Variants in ELF2 observed in about 807,000 individuals in gnomAD.
ELF2 encodes the protein E74 like ETS transcription factor 2, also known as ETS-related transcription factor Elf-2.
ELF2 carries 11 observed loss-of-function variants against 54.8 expected under a neutral mutation model. The ratio of observed to expected loss-of-function variants is 0.20; its 90% CI spans 0.13 to 0.33. The LOEUF is 0.33. ELF2 is among the 10% of genes least tolerant of loss of function. The pLI, the probability that ELF2 is intolerant of heterozygous loss-of-function variation, is 1.00. For missense variants in ELF2, 513 were observed against 703.0 expected, an observed-to-expected ratio of 0.73 and a Z score of 3.06; for synonymous variants, 203 against 245.1, an observed-to-expected ratio of 0.83 and a Z score of 1.61.
At position 139,060,445 on chromosome 4, in the gene ELF2, T is replaced by G; in HGVS notation, c.1036A>C (p.Ile346Leu). The G allele has an allele frequency of 6.2e-7, 1 of 1,614,216 alleles. No individual in the cohort carries two copies. The highest frequency in any genetic ancestry group is 2.2e-5 in the East Asian group (1 of 44,878). Residue 346 changes from isoleucine (I) to leucine (L), a missense_variant, in exon 9 of 10, where the codon ATA (isoleucine) becomes CTA (leucine). Coordinates refer to ENST00000686138, the MANE Select transcript of ELF2 (RefSeq NM_001331036.3). Reference sequence around the variant, plus strand: ...CCCTTCTCTGCTCTGGAGCAGTTTATAGGGGATGAATTTTTTCCACTGCGA... The same window carrying G: ...CCCTTCTCTGCTCTGGAGCAGTTTAGAGGGGATGAATTTTTTCCACTGCGA... The part of the protein sequence containing the change: ...SVRSGKNSSP[I>L]NCSRAEKGVA...
intron 4 of ELF2, among the ~76,000 whole-genome samples, chr4:139,088,987 C>A (rs937644302): frequency 8.5e-5 from 13 of 152,184 alleles, no homozygotes; most frequent in Admixed American, 6.5e-5. Context: ...CAACTCCTGA[C>A]CTCAGGTGAT....
intron 4 of ELF2, among the ~76,000 whole-genome samples, chr4:139,089,009 G>A (rs1317216541): frequency 2.0e-5 from 3 of 152,082 alleles, no homozygotes; most frequent in South Asian, 2.1e-4. Flanking sequence ...TGCCCACCTC[G>A]GCCTCCCAAA....
intron 4 of ELF2, among the ~76,000 whole-genome samples, chr4:139,090,849 A>G (rs1732491539): frequency 6.6e-6 from 1 of 152,102 alleles, no homozygotes; most frequent in Non-Finnish European, 1.5e-5. Context: ...CCTGCCTCCC[A>G]AAGTGCTGGG....
At chr4:139,083,137 T>A (rs545382355) in intron 4 of ELF2, among the ~76,000 whole-genome samples, 1 of 149,926 alleles carries the variant, frequency 6.7e-6, no homozygotes, top group South Asian at 2.2e-4. Flanking sequence ...GTCAATCCCG[T>A]CCGTTCTGTC....
intron 1 of ELF2, among the ~76,000 whole-genome samples, chr4:139,148,463 C>T (rs1374523593): frequency 6.6e-6 from 1 of 151,580 alleles, no homozygotes; most frequent in Non-Finnish European, 1.5e-5. Flanking sequence ...AGGCCTGAGC[C>T]ATCATACCCA....
At chr4:139,129,086 G>A (rs1737237450) in intron 3 of ELF2, among the ~76,000 whole-genome samples, 1 of 152,074 alleles carries the variant, frequency 6.6e-6, no homozygotes, top group South Asian at 2.1e-4. Context: ...TTACAGGCAT[G>A]TGCCACCATG....
At chr4:139,076,234 T>C (rs1230551475) in intron 4 of ELF2, among the ~76,000 whole-genome samples, 3 of 152,216 alleles carry the variant, frequency 2.0e-5, no homozygotes, top group African/African-American at 4.8e-5. Context: ...CAAAGCTAAA[T>C]GGTTCCAGAG....
chr4:139,068,283 T>G (rs950716720), intron 6 of ELF2, among the ~76,000 whole-genome samples: 27 of 152,196 alleles, frequency 1.8e-4, no homozygotes, highest in Non-Finnish European at 3.2e-4. Context: ...CCTCCCAAAG[T>G]GCTGGGATTA....
At chr4:139,165,935 C>T (rs1474120478) in intron 1 of ELF2, among the ~76,000 whole-genome samples, 1 of 152,210 alleles carries the variant, frequency 6.6e-6, no homozygotes, top group Non-Finnish European at 1.5e-5. Flanking sequence ...GTATATATTA[C>T]ATGCCACAAA....
chr4:139,112,689 T>C (rs1438228234), intron 4 of ELF2, among the ~76,000 whole-genome samples: 1 of 152,210 alleles, frequency 6.6e-6, no homozygotes, highest in African/African-American at 2.4e-5. Context: ...AGATACACTG[T>C]TGTATAGCAA....
At chr4:139,168,463 G>A (rs1056486769) in intron 1 of ELF2, among the ~76,000 whole-genome samples, 7 of 152,152 alleles carry the variant, frequency 4.6e-5, no homozygotes, top group African/African-American at 9.7e-5. Flanking sequence ...TAAACCCTGA[G>A]ATGATAGCCT....
intron 3 of ELF2, among the ~76,000 whole-genome samples, chr4:139,126,946 G>A (rs1198592788): frequency 1.3e-5 from 2 of 152,160 alleles, no homozygotes; most frequent in Admixed American, 6.5e-5. Context: ...GAGATTCCAC[G>A]ATGCTAGCTA....
At chr4:139,140,848 T>C (rs557253163) in intron 1 of ELF2, among the ~76,000 whole-genome samples, 2 of 152,310 alleles carry the variant, frequency 1.3e-5, no homozygotes, top group African/African-American at 2.4e-5. Flanking sequence ...AGTTTCTAGA[T>C]AAGAAATCTT....
intron 4 of ELF2, among the ~76,000 whole-genome samples, chr4:139,121,270 G>C (rs575593363): frequency 6.6e-6 from 1 of 150,582 alleles, no homozygotes; most frequent in South Asian, 2.1e-4. Flanking sequence ...TACCACGCCC[G>C]GCTAATTTTT....
rs367868529 is a variant in ELF2, at chr4:139,105,264, G to A, written c.238+19900C>T. 6.6e-5 allele frequency among the ~76,000 whole-genome samples: 10 copies of A among 152,228 alleles called. No individual in the cohort carries two copies. The South Asian group carries it at 1.7e-3, about 25-fold the overall frequency. On this transcript the variant is annotated intron_variant, in intron 4 of 9. Coordinates refer to ENST00000686138, the MANE Select transcript of ELF2 (RefSeq NM_001331036.3). ...TGATTTGTGACAAAGTAATTTTACT[G>A]TAGTGCAAACTTACATGTTTTGTCC... is the stretch of plus-strand genomic sequence containing the variant.
chr4:139,072,226 T>C (rs1488725577), intron 5 of ELF2, 187 bp from the exon 6 acceptor site: 9 of 560,182 alleles, frequency 1.6e-5, no homozygotes, highest in Non-Finnish European at 2.7e-5. Context: ...AATAAATGCA[T>C]GGAAAATCAA....
intron 4 of ELF2, chr4:139,101,863 T>C (rs1272705972): frequency 1.3e-5 from 2 of 152,150 alleles, no homozygotes; most frequent in African/African-American, 4.8e-5. Context: ...TATGTAATAT[T>C]AGCAATGGAA....
At chr4:139,098,559 T>G (rs957861086) in intron 4 of ELF2, among the ~76,000 whole-genome samples, 18 of 148,486 alleles carry the variant, frequency 1.2e-4, no homozygotes, top group African/African-American at 4.5e-4. Context: ...ACCTCCACCC[T>G]CCAGGTTCAA....
At chr4:139,134,031 T>A (rs1737837341) in intron 3 of ELF2, among the ~76,000 whole-genome samples, 1 of 152,214 alleles carries the variant, frequency 6.6e-6, no homozygotes, top group Admixed American at 6.5e-5. Context: ...CAATGTTGAA[T>A]AAAGGTGGTT....
Sources: gnomAD v4.1 joint callset for allele counts (sites outside exome capture counted in the v4.1 genomes callset) on GRCh38, gnomAD v4.1.1 for gene constraint, MANE v1.5 for transcripts, NCBI Gene and HGNC (gene_info 2026-07-23, HGNC 2026-07-21) for gene names.